The following SYAP1 variants were observed in gnomAD, a reference collection of about 807,000 sequenced individuals.
The protein encoded by SYAP1 is synapse-associated protein 1.
SYAP1 carries 3 observed loss-of-function variants against 29.6 expected under a neutral mutation model. The ratio of observed to expected loss-of-function variants is 0.10; its 90% confidence interval spans 0.05 to 0.26. The LOEUF is 0.26. SYAP1 is among the 10% of genes least tolerant of loss of function. The pLI is 1.00. For missense variants in SYAP1, 217 were observed against 264.1 expected, an observed-to-expected ratio of 0.82 and a Z score of 1.24; for synonymous variants, 102 against 102.7, an observed-to-expected ratio of 0.99 and a Z score of 0.04.
At chrX:16,755,457 G>A (rs1369792325) in intron 6 of SYAP1, among the ~76,000 whole-genome samples, 1 of 109,213 alleles carries the variant, frequency 9.2e-6, no homozygotes, top group Non-Finnish European at 1.9e-5. Context: ...TGTGCCTGGC[G>A]AGTTTTTTTT....
chrX:16,759,375 A>G (rs929366119), intron 8 of SYAP1, among the ~76,000 whole-genome samples: 1 of 110,642 alleles, frequency 9.0e-6, no homozygotes, highest in Non-Finnish European at 1.9e-5. Context: ...AAAAAAAAAA[A>G]AGAGACAAAA....
chrX:16,755,404 G>C (rs1218080493), intron 6 of SYAP1, among the ~76,000 whole-genome samples: 2 of 109,009 alleles, frequency 1.8e-5, no homozygotes, highest in African/African-American at 6.7e-5. Context: ...CGATCCTCCT[G>C]CCTCAGCTTC....
intron 5 of SYAP1, among the ~76,000 whole-genome samples, chrX:16,744,951 AGT>A (rs1569250931): frequency 8.9e-6 from 1 of 112,271 alleles, no homozygotes; most frequent in East Asian, 2.8e-4. Flanking sequence ...TGGGCAACAG[AGT>A]GAGACCCTGT....
chrX:16,740,733 T>C (rs1312625079), intron 3 of SYAP1, among the ~76,000 whole-genome samples: 5 of 111,367 alleles, frequency 4.5e-5, no homozygotes, highest in Admixed American at 9.7e-5. Flanking sequence ...TTCATAATCA[T>C]AGTATAGTTA....
At chrX:16,720,621 T>C (rs1441012454) in intron 1 of SYAP1, among the ~76,000 whole-genome samples, 1 of 112,282 alleles carries the variant, frequency 8.9e-6, no homozygotes, top group African/African-American at 3.2e-5. Context: ...GTTTACAGTC[T>C]ACAGGGGTTG....
Position 16,719,710 on chromosome X carries a change from C to G in SYAP1, c.-15C>G, listed in dbSNP as rs908433284. ...TCTCTGGGGATCGGGACCGCGGCGG[C>G]GGCCCGCGAGCGGGATGTTCCGGGG... On this transcript the variant is annotated 5_prime_UTR_variant, in exon 1 of 9. Coordinates refer to ENST00000380155, the MANE Select transcript of SYAP1 (RefSeq NM_032796.4). The G allele has an allele frequency of 4.5e-5, 54 of 1,200,687 alleles. No individual in the cohort carries two copies. Among genetic ancestry groups the G allele is most frequent in the Non-Finnish European group, 5.8e-5 (52 of 891,598 alleles).
chrX:16,738,321 G>A (rs776972534), intron 3 of SYAP1, among the ~76,000 whole-genome samples: 5 of 111,625 alleles, frequency 4.5e-5, no homozygotes, highest in Non-Finnish European at 5.6e-5. Flanking sequence ...TGGCTGAGGC[G>A]CAAGAATTGC....
At chrX:16,722,256 C>T (rs999392386) in intron 1 of SYAP1, among the ~76,000 whole-genome samples, 1 of 111,608 alleles carries the variant, frequency 9.0e-6, no homozygotes, top group Non-Finnish European at 1.9e-5. Flanking sequence ...CAGCCGGGTG[C>T]GGTGGCTCAC....
intron 1 of SYAP1, among the ~76,000 whole-genome samples, chrX:16,727,251 ATTT>A (rs1321926102): frequency 1.0e-5 from 1 of 98,460 alleles, no homozygotes; most frequent in Admixed American, 1.1e-4. Context: ...TTAAAATAAA[ATTT>A]TTTTATTTAA....
intron 3 of SYAP1, 62 bp downstream of exon 3, chrX:16,736,294 G>A: frequency 6.6e-6 from 5 of 753,144 alleles, no homozygotes; most frequent in Non-Finnish European, 8.2e-6. Context: ...TTATGTGCTA[G>A]ATACCACACT....
chrX:16,737,324 G>A lies in SYAP1; in HGVS notation c.361+1092G>A, dbSNP rs191696240. ...CACTTGAGCTTGGGAGTTTGAGGCT[G>A]TAGTGAGCTATAATCATGCCAGTGT... is the stretch of plus-strand genomic sequence containing the variant. On this transcript the variant is annotated intron_variant, in intron 3 of 8. Coordinates refer to ENST00000380155, the MANE Select transcript of SYAP1 (RefSeq NM_032796.4). Among the ~76,000 whole-genome samples, 553 of 111,525 alleles carry A rather than the reference G, an allele frequency of 5.0e-3. 1 individual carries two copies. Among genetic ancestry groups the A allele is most frequent in the Middle Eastern group, 0.014 (3 of 216 alleles).
intron 7 of SYAP1, 146 bp downstream of exon 7, chrX:16,756,867 C>A: frequency 1.6e-6 from 1 of 614,908 alleles, no homozygotes; most frequent in South Asian, 2.9e-5. Context: ...GGAACTAGGG[C>A]TGAGACTTGA....
rs775556786 is a variant in SYAP1 at position 16,757,150 on chromosome X, G to C, written c.784-12G>C. ...AGCAAACCATTTCAAGAGCTCATTT[G>C]TTGCATTTCAGGATGAGGAAGAAAT... On this transcript the variant is annotated splice_polypyrimidine_tract_variant and intron_variant, in intron 7 of 8. Coordinates refer to ENST00000380155, the MANE Select transcript of SYAP1 (RefSeq NM_032796.4). The C allele has an allele frequency of 8.3e-6, 10 of 1,208,242 alleles. No homozygotes were observed. The highest frequency in any genetic ancestry group is 1.1e-5 in the Non-Finnish European group (10 of 894,376).
intron 3 of SYAP1, among the ~76,000 whole-genome samples, chrX:16,738,671 CA>C (rs1926380520): frequency 9.0e-6 from 1 of 110,843 alleles, no homozygotes; most frequent in Non-Finnish European, 1.9e-5. Flanking sequence ...GACTCCATCT[CA>C]AAAAAAGAAA....
rs1443253114 is a variant in SYAP1, at chrX:16,757,933, T to A, written c.931+624T>A. 3.7e-5 allele frequency among the ~76,000 whole-genome samples: 4 copies of A among 108,169 alleles called. No homozygotes were observed. In the East Asian group the frequency reaches 1.1e-3, roughly 30 times the overall value. 93.9% of individuals were successfully genotyped at this position (108,169 alleles called of 115,157 possible). A position where few individuals can be genotyped will look rare whatever the true frequency, so the allele number is the denominator to read the frequency against. On this transcript the variant is annotated intron_variant, in intron 8 of 8. Transcript: ENST00000380155. ...AAATAATAATAATAATAATAATAAATTTTTAAAAGCTGGCATTCTCCTTGA... is the reference window on the plus strand; with the variant it reads ...AAATAATAATAATAATAATAATAAAATTTTAAAAGCTGGCATTCTCCTTGA...
chrX:16,758,814 T>C, intron 8 of SYAP1, among the ~76,000 whole-genome samples: 1 of 110,948 alleles, frequency 9.0e-6, no homozygotes, highest in Non-Finnish European at 1.9e-5. Context: ...CAGGGTGTCT[T>C]TTCCTTTGAG....
intron 8 of SYAP1, among the ~76,000 whole-genome samples, chrX:16,758,363 T>C (rs1926898768): frequency 9.2e-6 from 1 of 109,247 alleles, no homozygotes; most frequent in African/African-American, 3.3e-5. Context: ...TTTTTTTTTT[T>C]TTGAGATGGA....
At chrX:16,724,439 G>A (rs921379964) in intron 1 of SYAP1, among the ~76,000 whole-genome samples, 2 of 111,796 alleles carry the variant, frequency 1.8e-5, no homozygotes, top group African/African-American at 3.2e-5. Context: ...GAGCCCTCCC[G>A]AAATCTAAGT....
At chrX:16,721,065 A>G (rs753224802) in intron 1 of SYAP1, among the ~76,000 whole-genome samples, 1 of 108,503 alleles carries the variant, frequency 9.2e-6, no homozygotes, top group East Asian at 2.9e-4. Context: ...GGTGAGCCCT[A>G]AAGCAGCCCA....
Sources: gnomAD v4.1 joint callset for allele counts (sites outside exome capture counted in the v4.1 genomes callset) on GRCh38, gnomAD v4.1.1 for gene constraint, MANE v1.5 for transcripts, NCBI Gene and HGNC (gene_info 2026-07-23, HGNC 2026-07-21) for gene names.